The following GREM2 variants were observed in gnomAD, a reference collection of about 807,000 sequenced individuals.
GREM2 encodes the protein gremlin 2, DAN family BMP antagonist.
In GREM2, 11 loss-of-function variants were observed where a neutral mutation model predicts 14.2. The observed-to-expected ratio is 0.78, with a 90% confidence interval of 0.49 to 1.28. GREM2 has a LOEUF of 1.28. GREM2 is among the 50% of genes most tolerant of loss of function. The probability of loss-of-function intolerance (pLI) is 0.00; values close to 1 mark genes in which losing one functional copy is unlikely to be tolerated. For synonymous variants in GREM2, 98 were observed against 97.6 expected, an observed-to-expected ratio of 1.00 and a Z score of -0.02; for missense variants, 210 against 218.5, an observed-to-expected ratio of 0.96 and a Z score of 0.24.
At chr1:240,559,526 T>C (rs1255078124) in intron 1 of GREM2, among the ~76,000 whole-genome samples, 1 of 151,902 alleles carries the variant, frequency 6.6e-6, no homozygotes, top group African/African-American at 2.4e-5. Flanking sequence ...GTATTTTTAG[T>C]AGAGATGGGA....
intron 1 of GREM2, among the ~76,000 whole-genome samples, chr1:240,535,889 CCCATGAAAA>C (rs1331990110): frequency 1.3e-5 from 2 of 151,952 alleles, no homozygotes; most frequent in African/African-American, 4.8e-5. Context: ...AGTCAAGTCT[CCCATGAAAA>C]CCAACAGAAA....
chr1:240,611,120 AAAT>A lies in GREM2; in HGVS notation c.-2+761_-2+763del, dbSNP rs1460655288. On this transcript the variant is annotated intron_variant, in intron 1 of 1. Coordinates refer to ENST00000318160, the MANE Select transcript of GREM2 (RefSeq NM_022469.4). ...AGTTTATGAGTTTTAGGATCAAATA[AAAT>A]AAAATCAAACATCAATATTTTCTTA... 2.0e-5 allele frequency among the ~76,000 whole-genome samples: 3 copies of A among 152,282 alleles called. No individual in the cohort carries two copies. In the East Asian group the frequency reaches 5.8e-4, roughly 29 times the overall value.
chr1:240,566,040 C>T (rs925267254), intron 1 of GREM2, among the ~76,000 whole-genome samples: 1 of 152,084 alleles, frequency 6.6e-6, no homozygotes, highest in African/African-American at 2.4e-5. Context: ...CATTTAACCT[C>T]TGAGCTTTTG....
At chr1:240,502,401 G>T (rs1275742217) in intron 1 of GREM2, among the ~76,000 whole-genome samples, 1 of 152,096 alleles carries the variant, frequency 6.6e-6, no homozygotes, top group Non-Finnish European at 1.5e-5. Flanking sequence ...CACTCTTCCA[G>T]TATCTTTTCG....
intron 1 of GREM2, among the ~76,000 whole-genome samples, chr1:240,507,719 G>T (rs1423202650): frequency 6.7e-6 from 1 of 148,604 alleles, no homozygotes; most frequent in Admixed American, 6.7e-5. Flanking sequence ...GAAGGCAGAT[G>T]AGGGAAAGGC....
At chr1:240,606,719 C>A (rs1449433696) in intron 1 of GREM2, among the ~76,000 whole-genome samples, 2 of 147,390 alleles carry the variant, frequency 1.4e-5, no homozygotes, top group African/African-American at 5.1e-5. Flanking sequence ...GCTCCTGTTG[C>A]CCAGGCTGGA....
chr1:240,494,542 C>T (rs1677361409), intron 1 of GREM2, among the ~76,000 whole-genome samples: 1 of 152,100 alleles, frequency 6.6e-6, no homozygotes. Flanking sequence ...TGAATAATAA[C>T]ATTAGCATTT....
intron 1 of GREM2, among the ~76,000 whole-genome samples, chr1:240,558,278 G>C (rs1382880202): frequency 6.6e-6 from 1 of 152,144 alleles, no homozygotes; most frequent in Non-Finnish European, 1.5e-5. Context: ...AACTTTGATA[G>C]TAATTGCCTT....
chr1:240,599,380 A>G (rs753781069), intron 1 of GREM2, among the ~76,000 whole-genome samples: 1 of 152,156 alleles, frequency 6.6e-6, no homozygotes, highest in Non-Finnish European at 1.5e-5. Flanking sequence ...TTCCAGACAT[A>G]AAAAAGGGAT....
chr1:240,599,136 T>G (rs917645176), intron 1 of GREM2, among the ~76,000 whole-genome samples: 3 of 151,844 alleles, frequency 2.0e-5, no homozygotes, highest in Admixed American at 6.6e-5. Flanking sequence ...GGTGTGGTGG[T>G]GCACGCCTGT....
rs1037825423 is a variant in GREM2, at chr1:240,542,370, C to T, written c.-1-48894G>A. 3.3e-5 allele frequency among the ~76,000 whole-genome samples: 5 copies of T among 151,038 alleles called. No homozygotes were observed. Among genetic ancestry groups the T allele is most frequent in the Non-Finnish European group, 7.4e-5 (5 of 67,854 alleles). On this transcript the variant is annotated intron_variant, in intron 1 of 1. Transcript: ENST00000318160. The surrounding 1 kb of genome is among the most constrained non-coding windows in gnomAD (Gnocchi z 4.1). ...GTCTAATCCCAGTACTTTGGGAGGC[C>T]GAGGTGGGCAGATCACTTGCGGCCA...
chr1:240,532,667 AG>A (rs1170951289), intron 1 of GREM2, among the ~76,000 whole-genome samples: 9 of 143,782 alleles, frequency 6.3e-5, no homozygotes, highest in African/African-American at 2.4e-4. Context: ...ATAGATAGAT[AG>A]ATAGATAGAT....
Position 240,591,242 on chromosome 1 carries a change from T to G in GREM2, c.-2+20642A>C, listed in dbSNP as rs78025357. ...TACTTTCCACTCTCTACCACTGTCA[T>G]TGGCTCCATGAAGGCATGAATCATA... On this transcript the variant is annotated intron_variant, in intron 1 of 1. Coordinates refer to ENST00000318160, the MANE Select transcript of GREM2 (RefSeq NM_022469.4). Among the ~76,000 whole-genome samples, 789 of 152,292 alleles carry G rather than the reference T, an allele frequency of 5.2e-3. 9 individuals are homozygous for G. The highest frequency in any genetic ancestry group is 0.017 in the African/African-American group (717 of 41,554).
chr1:240,496,360 G>A (rs1677417858), intron 1 of GREM2, among the ~76,000 whole-genome samples: 1 of 151,762 alleles, frequency 6.6e-6, no homozygotes, highest in South Asian at 2.1e-4. Flanking sequence ...TAGCCTATCT[G>A]TTTCTAGAAT....
chr1:240,516,973 C>T (rs1677970436), intron 1 of GREM2, among the ~76,000 whole-genome samples: 1 of 152,164 alleles, frequency 6.6e-6, no homozygotes, highest in Non-Finnish European at 1.5e-5. Flanking sequence ...ACTTGGTGAA[C>T]ACTTTAGGAA....
intron 1 of GREM2, among the ~76,000 whole-genome samples, chr1:240,608,037 A>C (rs1236429801): frequency 4.6e-5 from 7 of 152,248 alleles, no homozygotes; most frequent in Non-Finnish European, 8.8e-5. Flanking sequence ...AATTATACAA[A>C]GAGACTCAAT....
chr1:240,520,794 C>A (rs996340077), intron 1 of GREM2, among the ~76,000 whole-genome samples: 1 of 151,778 alleles, frequency 6.6e-6, no homozygotes, highest in Non-Finnish European at 1.5e-5. Context: ...CCTCTTGCCT[C>A]GGCTTCCCAA....
chr1:240,571,531 T>TA (rs1237424387), intron 1 of GREM2, among the ~76,000 whole-genome samples: 1 of 151,834 alleles, frequency 6.6e-6, no homozygotes, highest in Non-Finnish European at 1.5e-5. Context: ...CCATCTCTAT[T>TA]AAAAATACAG....
chr1:240,544,525 C>A (rs1048547088), intron 1 of GREM2, among the ~76,000 whole-genome samples: 2 of 152,128 alleles, frequency 1.3e-5, no homozygotes, highest in Non-Finnish European at 2.9e-5. Flanking sequence ...CTGGAACCAA[C>A]CCCAATGGAT....
Sources: allele counts gnomAD v4.1 joint callset (sites outside exome capture counted in the v4.1 genomes callset), GRCh38; gene constraint gnomAD v4.1.1; non-coding constraint Gnocchi (gnomAD v3.1); transcripts MANE v1.5; gene names NCBI Gene and HGNC (gene_info 2026-07-23, HGNC 2026-07-21).